The following RAB3C variants were observed in gnomAD, a reference collection of about 807,000 sequenced individuals.
RAB3C encodes the protein ras-related protein Rab-3C.
In RAB3C, 17 loss-of-function variants were observed where a neutral mutation model predicts 26.4. The ratio of observed to expected loss-of-function variants is 0.64; its 90% CI spans 0.44 to 0.97. The LOEUF (loss-of-function observed/expected upper bound fraction) is 0.97. Among genes scored for constraint, RAB3C ranks in the 50% least tolerant of loss-of-function variants. RAB3C has a pLI of 0.00. For synonymous variants in RAB3C, 91 were observed against 95.9 expected (o/e 0.95, Z 0.30); for missense variants, 242 against 281.9 (o/e 0.86, Z 1.01).
In RAB3C at chr5:58,588,403, A is replaced by T. The variant is rs544514395; in HGVS notation, c.24+5171A>T. ...TCTTTTTAGTTTTGGCCACTTGGTAATGAGTGTTTTCTGGTATCTGATTAT... is the reference window on the plus strand; with the variant it reads ...TCTTTTTAGTTTTGGCCACTTGGTATTGAGTGTTTTCTGGTATCTGATTAT... On this transcript the variant is annotated intron_variant, in intron 1 of 4. Coordinates refer to ENST00000282878, the MANE Select transcript of RAB3C (RefSeq NM_138453.4). 2.6e-5 allele frequency among the ~76,000 whole-genome samples: 4 copies of T among 152,138 alleles called. No homozygotes were observed. In the South Asian group the frequency reaches 6.2e-4, roughly 24 times the overall value.
chr5:58,706,117 T>C (rs1748939031), intron 2 of RAB3C, among the ~76,000 whole-genome samples: 1 of 152,162 alleles, frequency 6.6e-6, no homozygotes. Flanking sequence ...TAGGAGTTAG[T>C]GTAAAGGAGA....
chr5:58,769,429 T>C (rs1741980890), intron 3 of RAB3C, among the ~76,000 whole-genome samples: 1 of 152,150 alleles, frequency 6.6e-6, no homozygotes, highest in African/African-American at 2.4e-5. Flanking sequence ...CAGTGTGCAC[T>C]GAACATGTGT....
intron 3 of RAB3C, among the ~76,000 whole-genome samples, chr5:58,778,437 T>C (rs999409096): frequency 5.9e-5 from 9 of 152,156 alleles, no homozygotes; most frequent in African/African-American, 1.9e-4. Context: ...CCACTTCATC[T>C]TATGTAGAGT....
chr5:58,670,882 G>C (rs1393062630), intron 2 of RAB3C, among the ~76,000 whole-genome samples: 1 of 152,104 alleles, frequency 6.6e-6, no homozygotes, highest in Admixed American at 6.6e-5. Flanking sequence ...CTCACTCCAT[G>C]TGCCATATCT....
intron 3 of RAB3C, among the ~76,000 whole-genome samples, chr5:58,807,840 A>G (rs186364714): frequency 6.6e-6 from 1 of 152,258 alleles, no homozygotes; most frequent in Non-Finnish European, 1.5e-5. Context: ...AAAAAAATTT[A>G]AGAAGAAATA....
chr5:58,721,239 T>A (rs551952855), intron 2 of RAB3C, among the ~76,000 whole-genome samples: 1 of 133,288 alleles, frequency 7.5e-6, no homozygotes, highest in South Asian at 2.2e-4. Context: ...ACTGAAATAA[T>A]TTTTTTTTCA....
chr5:58,629,746 G>A (rs60640515), intron 2 of RAB3C, among the ~76,000 whole-genome samples: 4,738 of 152,278 alleles, frequency 0.031, 133 homozygotes, highest in African/African-American at 0.075. Flanking sequence ...TTGGCTGGTG[G>A]TGCATATTTT....
intron 2 of RAB3C, among the ~76,000 whole-genome samples, chr5:58,693,326 A>ATG (rs1748611743): frequency 3.7e-5 from 3 of 80,060 alleles, no homozygotes; most frequent in African/African-American, 1.5e-4. Context: ...AAGAAATTAT[A>ATG]TATATATGTG....
At chr5:58,643,136 T>A (rs1028263145) in intron 2 of RAB3C, among the ~76,000 whole-genome samples, 2 of 152,196 alleles carry the variant, frequency 1.3e-5, no homozygotes, top group Admixed American at 1.3e-4. Flanking sequence ...CAATTACATA[T>A]CATAAAGAAT....
chr5:58,854,527 G>C lies in RAB3C; in HGVS notation c.*3176G>C, dbSNP rs374270002. ...AGATGGCAGTTTGAATGTTAGCATC[G>C]CATCTACATGCTCATAAGAGGAATT... On this transcript the variant is annotated 3_prime_UTR_variant, in exon 5 of 5. Coordinates refer to ENST00000282878, the MANE Select transcript of RAB3C (RefSeq NM_138453.4). The C allele has an allele frequency of 6.6e-6, 1 of 152,166 alleles. No individual in the cohort carries two copies. Among genetic ancestry groups the C allele is most frequent in the Non-Finnish European group, 1.5e-5 (1 of 68,026 alleles). The allele number at this position is 152,166 out of a possible 1,614,324, so 9.4% of individuals were successfully genotyped here. A position where few individuals can be genotyped will look rare whatever the true frequency, so the allele number is the denominator to read the frequency against.
intron 2 of RAB3C, among the ~76,000 whole-genome samples, chr5:58,645,322 G>T (rs1747494447): frequency 6.6e-6 from 1 of 152,194 alleles, no homozygotes; most frequent in African/African-American, 2.4e-5. Flanking sequence ...AAATGAATGT[G>T]TAGAGCATGT....
At chr5:58,594,494 T>C (rs1561258993) in intron 1 of RAB3C, among the ~76,000 whole-genome samples, 1 of 152,138 alleles carries the variant, frequency 6.6e-6, no homozygotes, top group Admixed American at 6.6e-5. Flanking sequence ...GCAGGGATGA[T>C]TATGACTATG....
chr5:58,778,259 T>C (rs983635987), intron 3 of RAB3C, among the ~76,000 whole-genome samples: 2 of 152,148 alleles, frequency 1.3e-5, no homozygotes, highest in African/African-American at 4.8e-5. Flanking sequence ...GAAGATTATA[T>C]AGAATCTTAC....
chr5:58,639,625 C>T (rs1747370181), intron 2 of RAB3C, among the ~76,000 whole-genome samples: 4 of 152,128 alleles, frequency 2.6e-5, no homozygotes, highest in Non-Finnish European at 4.4e-5. Flanking sequence ...CCACAGGCCT[C>T]GCCTCCAAAT....
At chr5:58,706,933 T>G (rs1748954461) in intron 2 of RAB3C, among the ~76,000 whole-genome samples, 1 of 152,248 alleles carries the variant, frequency 6.6e-6, no homozygotes, top group African/African-American at 2.4e-5. Flanking sequence ...AACATTTTAG[T>G]CATCCTTTGC....
At chr5:58,837,002 G>A (rs1249874769) in intron 4 of RAB3C, among the ~76,000 whole-genome samples, 1 of 152,120 alleles carries the variant, frequency 6.6e-6, no homozygotes. Flanking sequence ...CTTACCAACA[G>A]TGTATAAGAG....
intron 2 of RAB3C, among the ~76,000 whole-genome samples, chr5:58,683,008 A>AT (rs1355172170): frequency 6.6e-6 from 1 of 152,016 alleles, no homozygotes; most frequent in Non-Finnish European, 1.5e-5. Context: ...TGAAGTGTAT[A>AT]TTTTTTCTCT....
chr5:58,652,504 A>G (rs1247194229), intron 2 of RAB3C, among the ~76,000 whole-genome samples: 1 of 151,730 alleles, frequency 6.6e-6, no homozygotes, highest in East Asian at 1.9e-4. Flanking sequence ...TATTGCATGA[A>G]CTGTACAGTC....
intron 3 of RAB3C, among the ~76,000 whole-genome samples, chr5:58,797,977 G>A (rs1171254703): frequency 6.6e-6 from 1 of 152,174 alleles, no homozygotes; most frequent in African/African-American, 2.4e-5. Context: ...CATGTGTCAA[G>A]AGTTTTTTTG....
Sources: allele counts gnomAD v4.1 joint callset (sites outside exome capture counted in the v4.1 genomes callset), GRCh38; gene constraint gnomAD v4.1.1; transcripts MANE v1.5; gene names NCBI Gene and HGNC (gene_info 2026-07-23, HGNC 2026-07-21).